SCMH1: variants seen among roughly 807,000 people sequenced by gnomAD.
The protein encoded by SCMH1 is polycomb protein SCMH1.
A neutral mutation model predicts 70.8 loss-of-function variants in SCMH1; 37 were observed. That is an observed-to-expected ratio of 0.52 (90% CI 0.40 to 0.69). The LOEUF is 0.69. SCMH1 is among the 30% of genes least tolerant of loss of function. The pLI, the probability that SCMH1 is intolerant of heterozygous loss-of-function variation, is 0.00. For synonymous variants in SCMH1, 292 were observed against 307.4 expected (o/e 0.95, Z 0.52); for missense variants, 607 against 827.3 (o/e 0.73, Z 3.27).
intron 1 of SCMH1, among the ~76,000 whole-genome samples, chr1:41,203,207 T>C (rs1654764903): frequency 1.3e-5 from 2 of 152,236 alleles, no homozygotes; most frequent in Admixed American, 1.3e-4. Context: ...TAAATTTTCA[T>C]CACAAATACT....
intron 10 of SCMH1, 59 bp from the exon 11 acceptor site, chr1:41,048,949 A>G: frequency 1.4e-6 from 2 of 1,463,072 alleles, no homozygotes; most frequent in Middle Eastern, 1.8e-4. Flanking sequence ...GAAGTCAGAG[A>G]ACAGCATCCT....
At chr1:41,194,791 T>C (rs1411283685) in intron 1 of SCMH1, among the ~76,000 whole-genome samples, 3 of 152,158 alleles carry the variant, frequency 2.0e-5, no homozygotes, top group African/African-American at 7.2e-5. Flanking sequence ...TTGGGCAGTG[T>C]GGAACCAGAG....
intron 2 of SCMH1, among the ~76,000 whole-genome samples, chr1:41,184,515 G>C (rs924762220): frequency 2.6e-5 from 4 of 152,088 alleles, no homozygotes; most frequent in African/African-American, 9.7e-5. Context: ...CTAGGCACTG[G>C]AGATATATCA....
intron 6 of SCMH1, among the ~76,000 whole-genome samples, chr1:41,121,768 C>A (rs1378455281): frequency 1.3e-5 from 2 of 152,138 alleles, no homozygotes; most frequent in Non-Finnish European, 2.9e-5. Flanking sequence ...TAAGACAGTA[C>A]TCTTGATTCT....
At chr1:41,038,847 G>C (rs924844575) in intron 12 of SCMH1, among the ~76,000 whole-genome samples, 1 of 152,176 alleles carries the variant, frequency 6.6e-6, no homozygotes, top group East Asian at 1.9e-4. Context: ...GGATATAGGA[G>C]ACCTGGGTTC....
At chr1:41,073,519 G>C (rs1657222279) in intron 9 of SCMH1, among the ~76,000 whole-genome samples, 1 of 152,142 alleles carries the variant, frequency 6.6e-6, no homozygotes, top group African/African-American at 2.4e-5. Context: ...AACAGATCAA[G>C]AGGAGTATTA....
In SCMH1 at chr1:41,050,019, G is replaced by A. The variant is rs144439182; in HGVS notation, c.1106-1129C>T. ...TGCAGTGAGCTGTAATCGCGCCACT[G>A]CACTCCAGCCTGGATGACAGAGACT... On this transcript the variant is annotated intron_variant, in intron 10 of 14. Transcript: ENST00000337495. Among the ~76,000 whole-genome samples, 821 of 151,964 alleles carry A rather than the reference G, an allele frequency of 5.4e-3. 7 individuals are homozygous for A. The highest frequency in any genetic ancestry group is 0.019 in the African/African-American group (784 of 41,424).
At chr1:41,197,562 T>C (rs1013854473) in intron 1 of SCMH1, among the ~76,000 whole-genome samples, 2 of 152,176 alleles carry the variant, frequency 1.3e-5, no homozygotes, top group African/African-American at 4.8e-5. Flanking sequence ...TTATATTTAA[T>C]GCGTACAGAA....
At chr1:41,166,950 T>C (rs1646451485) in intron 2 of SCMH1, among the ~76,000 whole-genome samples, 1 of 152,112 alleles carries the variant, frequency 6.6e-6, no homozygotes, top group African/African-American at 2.4e-5. Context: ...TTCAACTTCT[T>C]ACCACTGAGT....
At position 41,151,586 on chromosome 1, in the gene SCMH1, C is replaced by T. The variant is rs774875377; in HGVS notation, c.177+28G>A. ...CCATAAAAAAATGACTTATCTTCCA[C>T]CTACTAAAGATGTTGAAAATCAATT... On this transcript the variant is annotated intron_variant, in intron 5 of 14. Transcript: ENST00000337495. 43 of 1,567,020 alleles carry T rather than the reference C, an allele frequency of 2.7e-5. No homozygotes were observed. The Admixed American group carries it at 4.2e-4, about 15-fold the overall frequency.
intron 8 of SCMH1, among the ~76,000 whole-genome samples, chr1:41,111,697 G>A (rs1399987073): frequency 6.6e-6 from 1 of 152,110 alleles, no homozygotes. Flanking sequence ...TCTGCTTTCT[G>A]CCCTTGGAAC....
chr1:41,212,526 C>A (rs990378995), intron 1 of SCMH1, among the ~76,000 whole-genome samples: 1 of 151,904 alleles, frequency 6.6e-6, no homozygotes, highest in Non-Finnish European at 1.5e-5. Flanking sequence ...CATCAAAGAA[C>A]CAGAAACAAA....
At position 41,189,784 on chromosome 1, in the gene SCMH1, A is replaced by G. The variant is rs191864105; in HGVS notation, c.-117-3534T>C. 5.4e-4 allele frequency among the ~76,000 whole-genome samples: 83 copies of G among 152,346 alleles called. 1 individual carries two copies. The highest frequency in any genetic ancestry group is 1.9e-3 in the African/African-American group (81 of 41,590). The stretch of plus-strand genomic sequence containing the variant: ...CCTTTAACAAGTAATGCAGCTAGCA[A>G]TAAGTGGCTAATGAAAATGCCATGA... On this transcript the variant is annotated intron_variant, in intron 1 of 14. Coordinates refer to ENST00000337495, the Ensembl canonical transcript of SCMH1.
At chr1:41,040,889 A>G (rs905939655) in intron 12 of SCMH1, among the ~76,000 whole-genome samples, 1 of 145,262 alleles carries the variant, frequency 6.9e-6, no homozygotes, top group African/African-American at 2.4e-5. Flanking sequence ...AAAACAAAAA[A>G]CAAAAACAAA....
At chr1:41,082,757 A>G (rs1413235055) in intron 8 of SCMH1, among the ~76,000 whole-genome samples, 4 of 152,202 alleles carry the variant, frequency 2.6e-5, no homozygotes, top group Admixed American at 6.5e-5. Context: ...CCAGCAGCAC[A>G]TCAAAAAGCT....
intron 4 of SCMH1, chr1:41,159,625 A>G (rs546377450): frequency 2.4e-5 from 31 of 1,317,140 alleles, no homozygotes; most frequent in Admixed American, 1.9e-4. Context: ...TCCTATGTCC[A>G]TGTTTTTTCT....
At chr1:41,228,631 A>C (rs1013476058) in intron 1 of SCMH1, among the ~76,000 whole-genome samples, 1 of 151,888 alleles carries the variant, frequency 6.6e-6, no homozygotes, top group Non-Finnish European at 1.5e-5. Flanking sequence ...AAATAAAAAA[A>C]AAAATTAGCT....
chr1:41,072,225 A>G (rs1656785344), intron 9 of SCMH1, among the ~76,000 whole-genome samples: 1 of 152,224 alleles, frequency 6.6e-6, no homozygotes, highest in African/African-American at 2.4e-5. Flanking sequence ...TTTTACTGCT[A>G]AAAGTGAAAA....
intron 2 of SCMH1, among the ~76,000 whole-genome samples, chr1:41,177,095 T>C (rs991444637): frequency 2.6e-5 from 4 of 152,198 alleles, no homozygotes; most frequent in Non-Finnish European, 5.9e-5. Context: ...TATCCGCTGT[T>C]CTGCAGCCTC....
Sources: gnomAD v4.1 joint callset for allele counts (sites outside exome capture counted in the v4.1 genomes callset) on GRCh38, gnomAD v4.1.1 for gene constraint, MANE v1.5 for transcripts, NCBI Gene and HGNC (gene_info 2026-07-23, HGNC 2026-07-21) for gene names.